The following OPRM1 variants were observed in gnomAD, a reference collection of about 807,000 sequenced individuals.
OPRM1 encodes mu-type opioid receptor.
In OPRM1, 27 loss-of-function variants were observed where a neutral mutation model predicts 31.8. The observed-to-expected ratio is 0.85, with a 90% confidence interval of 0.63 to 1.17. The LOEUF (loss-of-function observed/expected upper bound fraction) is 1.17, where lower values mean the gene tolerates loss of function less well. Among genes scored for constraint, OPRM1 ranks in the 50% most tolerant of loss-of-function variants. The pLI is 0.00. For synonymous variants in OPRM1, 196 were observed against 189.9 expected (o/e 1.03, Z -0.26); for missense variants, 536 against 511.1 (o/e 1.05, Z -0.47).
At chr6:154,069,178 C>A (rs530276284) in intron 1 of OPRM1, among the ~76,000 whole-genome samples, 29 of 152,272 alleles carry the variant, frequency 1.9e-4, no homozygotes, top group African/African-American at 6.3e-4. Flanking sequence ...GGTAATTTGT[C>A]TCCTGCAGTG....
chr6:154,242,717 T>C (rs1780690486), intron 3 of OPRM1, among the ~76,000 whole-genome samples: 1 of 152,028 alleles, frequency 6.6e-6, no homozygotes, highest in African/African-American at 2.4e-5. Context: ...TGAAACCTTG[T>C]CTCTACTAAA....
chr6:154,093,521 T>A (rs1396848779), intron 3 of OPRM1: 2 of 1,587,206 alleles, frequency 1.3e-6, no homozygotes, highest in East Asian at 4.5e-5. Flanking sequence ...TCAGTATGGC[T>A]ATTGTACAGC....
intron 3 of OPRM1, among the ~76,000 whole-genome samples, chr6:154,152,327 GAAAGAAAGAAAGAAAGAAAGGAAA>G: frequency 3.5e-5 from 1 of 28,646 alleles, no homozygotes; most frequent in Non-Finnish European, 6.9e-5. Flanking sequence ...AAGAAAGAAA[GAAAGAAAGAAAGAAAGAAAGGAAA>G]GAAAGAAAGA....
chr6:154,063,235 G>C (rs1329453121), intron 1 of OPRM1, among the ~76,000 whole-genome samples: 1 of 151,820 alleles, frequency 6.6e-6, no homozygotes, highest in African/African-American at 2.4e-5. Context: ...CAATAATCAC[G>C]GTTGTCTAAG....
intron 3 of OPRM1, chr6:154,214,400 G>A (rs1004710166): frequency 2.6e-6 from 2 of 764,556 alleles, no homozygotes; most frequent in African/African-American, 3.4e-5. Flanking sequence ...TTTCCAGAAA[G>A]AGCATAAGTT....
chr6:154,134,542 C>A (rs919329426), downstream of OPRM1, among the ~76,000 whole-genome samples: 1 of 152,092 alleles, frequency 6.6e-6, no homozygotes, highest in Non-Finnish European at 1.5e-5. Flanking sequence ...TCCCTCTAAT[C>A]CCCAGGCCGA....
rs1797761412 is a variant in OPRM1, at chr6:154,129,347, G to A, written c.*10626G>A. ...AATAACATCGGCTTCTAAATCATAA[G>A]TTGATTTTTAACTACTGGGTTTAGG... On this transcript the variant is annotated 3_prime_UTR_variant, in exon 4 of 4. Transcript: ENST00000330432. Among the ~76,000 whole-genome samples the A allele has an allele frequency of 6.6e-6, 1 of 152,224 alleles. No homozygotes were observed. Among genetic ancestry groups the A allele is most frequent in the Admixed American group, 6.5e-5 (1 of 15,286 alleles).
intron 3 of OPRM1, among the ~76,000 whole-genome samples, chr6:154,205,691 T>C (rs538998749): frequency 3.3e-5 from 5 of 152,354 alleles, no homozygotes; most frequent in Non-Finnish European, 5.9e-5. Flanking sequence ...GCTGCTGAAT[T>C]TGAGCGGCTG....
chr6:154,174,505 AAGCAGGGGTTGCAATCC>A (rs893912650), intron 3 of OPRM1, among the ~76,000 whole-genome samples: 2 of 152,190 alleles, frequency 1.3e-5, no homozygotes, highest in Non-Finnish European at 2.9e-5. Flanking sequence ...AGCAAAAAAA[AAGCAGGGGTTGCAATCC>A]TGGTCTCTGA....
At chr6:154,221,100 G>T (rs1312907246) in intron 3 of OPRM1, among the ~76,000 whole-genome samples, 1 of 152,200 alleles carries the variant, frequency 6.6e-6, no homozygotes, top group African/African-American at 2.4e-5. Context: ...TACTAGAGAA[G>T]AAAGCACGAA....
At position 154,091,020 on chromosome 6, in the gene OPRM1, G is replaced by A. The variant is rs778623149; in HGVS notation, c.712G>A (p.Val238Ile). 3 of 1,614,126 alleles carry A rather than the reference G, an allele frequency of 1.9e-6. No homozygotes were observed. Among genetic ancestry groups the A allele is most frequent in the South Asian group, 2.2e-5 (2 of 91,084 alleles). Reference sequence around the variant, plus strand: ...CTGGGAAAACCTGCTGAAGATCTGTGTTTTCATCTTCGCCTTCATTATGCC... The same window carrying A: ...CTGGGAAAACCTGCTGAAGATCTGTATTTTCATCTTCGCCTTCATTATGCC... Reference protein sequence around the residue: ...WYWENLLKICVFIFAFIMPVL... With the variant: ...WYWENLLKICIFIFAFIMPVL... Residue 238 changes from valine to isoleucine, a missense_variant, in exon 3 of 4, where the codon GTT becomes ATT. Physicochemically the swap from Val to Ile is conservative, Grantham distance 29. Transcript: ENST00000330432.
Position 154,039,461 on chromosome 6 carries a change from G to C in OPRM1, c.-84G>C. ...GCAGGAGCTGTGGCAGCGGCGAAAG[G>C]AAGCGGCTGAGGCGCTTGGAACCCG... On this transcript the variant is annotated 5_prime_UTR_variant, in exon 1 of 4. Transcript: ENST00000330432. 2 of 1,553,152 alleles carry C rather than the reference G, an allele frequency of 1.3e-6. No individual in the cohort carries two copies.
chr6:154,091,391 G>A lies in OPRM1; in HGVS notation c.1083G>A (p.Glu361=). 1 of 1,614,096 alleles carries A rather than the reference G, an allele frequency of 6.2e-7. No homozygotes were observed. The highest frequency in any genetic ancestry group is 1.3e-5 in the African/African-American group (1 of 75,028). The change falls in exon 3 of 4, where the codon GAG becomes GAA. Residue 361 remains glutamate, a synonymous_variant. Transcript: ENST00000330432. ...GTATCCCAACCTCTTCCAACATTGAGCAACAAAACTCCACTCGAATTCGTC... is the reference window on the plus strand; with the variant it reads ...GTATCCCAACCTCTTCCAACATTGAACAACAAAACTCCACTCGAATTCGTC... The part of the protein sequence containing the change: ...EFCIPTSSNI[E]QQNSTRIRQN...
chr6:154,246,471 T>C, intron 3 of OPRM1: 1 of 1,190,274 alleles, frequency 8.4e-7, no homozygotes, highest in Non-Finnish European at 1.2e-6. Context: ...AACTTATTTG[T>C]TTATTTACTC....
intron 3 of OPRM1, among the ~76,000 whole-genome samples, chr6:154,244,427 C>T (rs1780868123): frequency 6.6e-6 from 1 of 151,988 alleles, no homozygotes; most frequent in South Asian, 2.1e-4. Flanking sequence ...AGTTCCCTAG[C>T]CAGATAGCGG....
At chr6:154,070,477 C>G (rs1786449913) in intron 1 of OPRM1, among the ~76,000 whole-genome samples, 1 of 152,218 alleles carries the variant, frequency 6.6e-6, no homozygotes, top group African/African-American at 2.4e-5. Flanking sequence ...TCTTGAAAGG[C>G]TGTGATGAAG....
At chr6:154,108,676 C>A (rs1196265037) in intron 3 of OPRM1, 9 of 493,134 alleles carry the variant, frequency 1.8e-5, no homozygotes, top group Non-Finnish European at 2.4e-5. Context: ...CTGTTCTTAG[C>A]CAAGAGGGAC....
At chr6:154,011,892 G>C (rs1309543864) in intron 1 of OPRM1, among the ~76,000 whole-genome samples, 2 of 152,084 alleles carry the variant, frequency 1.3e-5, no homozygotes, top group African/African-American at 4.8e-5. Flanking sequence ...AATAAAAAGG[G>C]TGATACTTTG....
At chr6:154,028,073 G>A (rs1029334871) in intron 1 of OPRM1, among the ~76,000 whole-genome samples, 1 of 152,152 alleles carries the variant, frequency 6.6e-6, no homozygotes, top group African/African-American at 2.4e-5. Flanking sequence ...AGTCACCATG[G>A]CTGGGAACCT....
Sources: gnomAD v4.1 joint callset for allele counts (sites outside exome capture counted in the v4.1 genomes callset) on GRCh38, gnomAD v4.1.1 for gene constraint, MANE v1.5 for transcripts, NCBI Gene and HGNC (gene_info 2026-07-23, HGNC 2026-07-21) for gene names.